DOCK9: variants seen among roughly 807,000 people sequenced by gnomAD.
DOCK9 encodes the protein dedicator of cytokinesis protein 9.
DOCK9 carries 89 observed loss-of-function variants against 263.3 expected under a neutral mutation model. The ratio of observed to expected loss-of-function variants is 0.34; its 90% CI spans 0.28 to 0.40. DOCK9 has a LOEUF of 0.40. DOCK9 is among the 10% of genes least tolerant of loss of function. DOCK9 has a pLI of 1.00. For synonymous variants in DOCK9, 976 were observed against 973.1 expected, an observed-to-expected ratio of 1.00 and a Z score of -0.06; for missense variants, 2,140 against 2,603.4, an observed-to-expected ratio of 0.82 and a Z score of 3.87.
chr13:98,971,436 G>A (rs571726967), intron 1 of DOCK9, among the ~76,000 whole-genome samples: 10 of 151,982 alleles, frequency 6.6e-5, no homozygotes, highest in East Asian at 3.9e-4. Context: ...GGCCGGGCGC[G>A]GTGGCTCACG....
In DOCK9 at chr13:98,807,730, CTG is replaced by C. The variant is rs1381548555; in HGVS notation, c.5443_5444del (p.Gln1815GlufsTer4). 1 of 1,613,814 alleles carries C rather than the reference CTG, an allele frequency of 6.2e-7. No individual in the cohort carries two copies. On this transcript the variant is annotated frameshift_variant, in exon 48 of 53. Coordinates refer to ENST00000682017, the MANE Select transcript of DOCK9 (RefSeq NM_001366683.2). LOFTEE classifies it high-confidence loss of function. ...TATCCGAGTACAGTTTAAGGAGTCT[CTG>C]AGAAATTTCCGACAGCGGTGTGAGT... ...PKLTPLSEIS[Q>X]RLLKLYSDKF...
At chr13:98,853,657 CAATT>C (rs796761704) in intron 34 of DOCK9, 135 bp from the exon 35 acceptor site, 23 of 680,318 alleles carry the variant, frequency 3.4e-5, no homozygotes, top group African/African-American at 2.4e-4. Context: ...AACTTGCTGA[CAATT>C]AAACCACAGG....
At chr13:98,920,901 T>C (rs1232256693) in intron 7 of DOCK9, 53 bp downstream of exon 7, 12 of 1,508,820 alleles carry the variant, frequency 8.0e-6, no homozygotes, top group Non-Finnish European at 1.1e-5. Context: ...AATTTACACA[T>C]AAGCACTACT....
At chr13:98,995,858 G>A (rs1156335832) in intron 1 of DOCK9, among the ~76,000 whole-genome samples, 1 of 152,142 alleles carries the variant, frequency 6.6e-6, no homozygotes, top group Non-Finnish European at 1.5e-5. Flanking sequence ...TGCAAATTGA[G>A]GGGTGAGGAA....
intron 36 of DOCK9, among the ~76,000 whole-genome samples, chr13:98,848,989 C>T (rs1014203772): frequency 6.6e-6 from 1 of 152,218 alleles, no homozygotes; most frequent in Admixed American, 6.5e-5. Flanking sequence ...CAAGACCATG[C>T]ACACTGTTCC....
chr13:98,864,050 T>A (rs2093952445), intron 30 of DOCK9, among the ~76,000 whole-genome samples: 1 of 152,226 alleles, frequency 6.6e-6, no homozygotes, highest in Non-Finnish European at 1.5e-5. Context: ...AATGTCTATA[T>A]ACTCCATTAA....
chr13:99,086,340 C>T (rs916307007), exon 1 of DOCK9: 3 of 1,449,272 alleles, frequency 2.1e-6, no homozygotes, highest in African/African-American at 1.5e-5. Context: ...GGAGCAGCGG[C>T]GGCTGCGACA....
chr13:98,878,858 C>T lies in DOCK9; in HGVS notation c.2943+1040G>A, dbSNP rs1221659547. On this transcript the variant is annotated intron_variant, in intron 27 of 52. Coordinates refer to ENST00000682017, the MANE Select transcript of DOCK9 (RefSeq NM_001366683.2). Reference sequence around the variant, plus strand: ...ATCTAGCAGGCTTTTCCAAGGCTTCCTCGGAGAGCCCAGATCCCTTGTGCA... The same window carrying T: ...ATCTAGCAGGCTTTTCCAAGGCTTCTTCGGAGAGCCCAGATCCCTTGTGCA... 2.0e-5 allele frequency among the ~76,000 whole-genome samples: 3 copies of T among 152,202 alleles called. No individual in the cohort carries two copies. The East Asian group carries it at 5.8e-4, about 29-fold the overall frequency.
At chr13:98,820,764 T>C (rs2092224212) in intron 45 of DOCK9, 12 of 351,102 alleles carry the variant, frequency 3.4e-5, no homozygotes, top group South Asian at 2.5e-4. Flanking sequence ...CACTCTCAAG[T>C]CTGGGTCTGT....
chr13:98,990,751 C>T (rs909707148), intron 1 of DOCK9, among the ~76,000 whole-genome samples: 2 of 152,214 alleles, frequency 1.3e-5, no homozygotes, highest in African/African-American at 4.8e-5. Context: ...ATGAGCACCC[C>T]AGTTAATGGG....
chr13:98,998,196 A>G (rs537570070), intron 1 of DOCK9, among the ~76,000 whole-genome samples: 22 of 152,292 alleles, frequency 1.4e-4, no homozygotes, highest in African/African-American at 5.1e-4. Flanking sequence ...GCTGGCAGGC[A>G]TGCATCATCA....
chr13:98,924,523 T>C (rs2052604963), intron 4 of DOCK9, among the ~76,000 whole-genome samples: 1 of 152,256 alleles, frequency 6.6e-6, no homozygotes, highest in Admixed American at 6.5e-5. Context: ...ATGGTTTTTA[T>C]TCCCACCAAA....
intron 1 of DOCK9, among the ~76,000 whole-genome samples, chr13:99,040,641 T>C (rs1241865331): frequency 6.6e-6 from 1 of 152,216 alleles, no homozygotes; most frequent in Non-Finnish European, 1.5e-5. Context: ...CAAACATTTA[T>C]GAAGCACTTC....
intron 27 of DOCK9, among the ~76,000 whole-genome samples, chr13:98,876,208 T>C (rs2043819439): frequency 1.3e-5 from 2 of 152,198 alleles, no homozygotes; most frequent in African/African-American, 4.8e-5. Context: ...AAAGGTTCCC[T>C]TGGCTGGGCG....
In DOCK9 at chr13:98,829,240, T is replaced by C. The variant is rs2092666973; in HGVS notation, c.4965+67A>G. ...TGGAATAACTTTTCTCAAAACTGGC[T>C]TTTTAAGTGAATGGGGCCTCACTGG... On this transcript the variant is annotated intron_variant, in intron 43 of 52. Coordinates refer to ENST00000682017, the MANE Select transcript of DOCK9 (RefSeq NM_001366683.2). The surrounding 1 kb of genome is among the most constrained non-coding windows in gnomAD (Gnocchi z 4.1). The C allele has an allele frequency of 6.9e-7, 1 of 1,442,528 alleles. No homozygotes were observed. 89.4% of individuals were successfully genotyped at this position (1,442,528 alleles called of 1,614,324 possible).
chr13:98,830,893 A>G (rs2092733739), intron 41 of DOCK9, among the ~76,000 whole-genome samples: 1 of 152,202 alleles, frequency 6.6e-6, no homozygotes, highest in Non-Finnish European at 1.5e-5. Context: ...GTAGAAAAAG[A>G]GAGTTTACAA....
chr13:99,041,551 G>A (rs563259445), intron 1 of DOCK9, among the ~76,000 whole-genome samples: 2 of 152,140 alleles, frequency 1.3e-5, no homozygotes, highest in Admixed American at 6.5e-5. Context: ...ATCCCCAGAG[G>A]TGGACAGCTA....
intron 45 of DOCK9, among the ~76,000 whole-genome samples, chr13:98,816,467 C>G (rs1165229677): frequency 6.6e-6 from 1 of 151,946 alleles, no homozygotes; most frequent in African/African-American, 2.4e-5. Context: ...TCAGTGAGTC[C>G]CTGGGCGGTA....
chr13:99,058,693 G>T (rs760567768), intron 1 of DOCK9, among the ~76,000 whole-genome samples: 1 of 152,074 alleles, frequency 6.6e-6, no homozygotes, highest in Non-Finnish European at 1.5e-5. Flanking sequence ...CTCAAATAAG[G>T]CCACACTGTA....
Sources: allele counts gnomAD v4.1 joint callset (sites outside exome capture counted in the v4.1 genomes callset), GRCh38; gene constraint gnomAD v4.1.1; non-coding constraint Gnocchi (gnomAD v3.1); transcripts MANE v1.5; gene names NCBI Gene and HGNC (gene_info 2026-07-23, HGNC 2026-07-21).